FAM13A: variants seen among roughly 807,000 people sequenced by gnomAD.
FAM13A encodes family with sequence similarity 13 member A, also known as protein FAM13A.
Under a neutral mutation model 129.6 loss-of-function variants are expected in FAM13A, and 76 were observed. The observed-to-expected ratio is 0.59, with a 90% CI of 0.49 to 0.71. FAM13A has a LOEUF of 0.71. Ranked by LOEUF, FAM13A falls within the 30% of genes least tolerant of loss-of-function variation. The probability of loss-of-function intolerance (pLI) is 0.00; values close to 1 mark genes in which losing one functional copy is unlikely to be tolerated. For missense variants in FAM13A, 1,108 were observed against 1,249.3 expected (o/e 0.89, Z 1.70); for synonymous variants, 443 against 449.9 (o/e 0.98, Z 0.20).
intron 4 of FAM13A, among the ~76,000 whole-genome samples, chr4:88,939,598 C>T (rs1020477262): frequency 2.0e-5 from 3 of 152,166 alleles, no homozygotes; most frequent in African/African-American, 7.2e-5. Flanking sequence ...GATACGCACC[C>T]TAAGGTCTCC....
intron 19 of FAM13A, among the ~76,000 whole-genome samples, chr4:88,744,547 A>G (rs910178173): frequency 4.6e-5 from 7 of 152,186 alleles, no homozygotes; most frequent in African/African-American, 1.7e-4. Context: ...TTAAATCAGT[A>G]TCTGTAGACT....
chr4:88,974,870 T>C (rs987059431), intron 4 of FAM13A, among the ~76,000 whole-genome samples: 1 of 152,102 alleles, frequency 6.6e-6, no homozygotes, highest in Non-Finnish European at 1.5e-5. Context: ...GGCATAGACA[T>C]TCATAGTCAG....
rs554779482 is a variant in FAM13A, at chr4:89,014,569, T to C, written c.427+5891A>G. 1.1e-4 allele frequency among the ~76,000 whole-genome samples: 17 copies of C among 152,290 alleles called. No individual in the cohort carries two copies. In the East Asian group the frequency reaches 3.1e-3, roughly 28 times the overall value. On this transcript the variant is annotated intron_variant, in intron 3 of 23. Transcript: ENST00000264344. Reference sequence around the variant, plus strand: ...TGAAGCCATGGCAGAAGAATATAAATTGTGAAGATTTCATGGACATTTATT... The same window carrying C: ...TGAAGCCATGGCAGAAGAATATAAACTGTGAAGATTTCATGGACATTTATT...
intron 3 of FAM13A, among the ~76,000 whole-genome samples, chr4:89,002,176 C>CAAAAAAA (rs11370599): frequency 6.9e-5 from 8 of 115,654 alleles, no homozygotes; most frequent in Admixed American, 1.9e-4. Flanking sequence ...CACCCAACGG[C>CAAAAAAA]AAAAAAAAAA....
At chr4:88,838,702 G>C (rs558121302) in intron 7 of FAM13A, among the ~76,000 whole-genome samples, 20 of 150,600 alleles carry the variant, frequency 1.3e-4, no homozygotes, top group African/African-American at 4.9e-4. Flanking sequence ...ACTCCAGCCT[G>C]GGCGACAGAG....
At chr4:88,938,442 TGAATAAGAA>T (rs1754187131) in intron 4 of FAM13A, among the ~76,000 whole-genome samples, 1 of 152,162 alleles carries the variant, frequency 6.6e-6, no homozygotes, top group South Asian at 2.1e-4. Context: ...TAGCTTGGGC[TGAATAAGAA>T]AAATATAGGC....
At chr4:88,864,472 G>A (rs1431706638) in intron 6 of FAM13A, among the ~76,000 whole-genome samples, 3 of 152,190 alleles carry the variant, frequency 2.0e-5, no homozygotes, top group Non-Finnish European at 4.4e-5. Context: ...GCAGTGGCAC[G>A]ATATCAGCTT....
chr4:88,745,714 C>A (rs1280387614), intron 19 of FAM13A, among the ~76,000 whole-genome samples: 2 of 152,156 alleles, frequency 1.3e-5, no homozygotes, highest in African/African-American at 4.8e-5. Context: ...TATTTGAGCT[C>A]TAGAGCATTT....
chr4:88,815,414 A>T (rs17014616), intron 7 of FAM13A, among the ~76,000 whole-genome samples: 13,445 of 152,166 alleles, frequency 0.088, 748 homozygotes, highest in African/African-American at 0.15. Context: ...AATTTGCACA[A>T]GGGTTATAAT....
chr4:88,760,748 C>A (rs568630496), intron 13 of FAM13A, among the ~76,000 whole-genome samples: 1 of 151,922 alleles, frequency 6.6e-6, no homozygotes, highest in African/African-American at 2.4e-5. Context: ...TAAGCTAAAG[C>A]CTAAGTGGAC....
intron 6 of FAM13A, among the ~76,000 whole-genome samples, chr4:88,893,522 T>C (rs1347517038): frequency 1.6e-5 from 2 of 128,960 alleles, no homozygotes; most frequent in Non-Finnish European, 3.3e-5. Context: ...ACTCAGGAGG[T>C]TGAGACAGGA....
Position 88,749,894 on chromosome 4 carries a change from A to C in FAM13A, c.1956T>G (p.Ser652=). The change falls in exon 16 of 24, where the codon TCT becomes TCG. Residue 652 remains serine, a synonymous_variant. Transcript: ENST00000264344. The part of the protein sequence containing the change: ...SHSFMRRRSS[S]LGSYDDEQED... ...CTTGCTCATCATCATAGGACCCCAG[A>C]GAGGAGCTTCGCCGCCTGTGAAGAG... is the stretch of plus-strand genomic sequence containing the variant. The C allele has an allele frequency of 6.2e-7, 1 of 1,613,876 alleles. No homozygotes were observed. The highest frequency in any genetic ancestry group is 2.2e-5 in the East Asian group (1 of 44,890).
At chr4:88,789,508 AAGG>A (rs1724671819) in intron 9 of FAM13A, among the ~76,000 whole-genome samples, 1 of 152,132 alleles carries the variant, frequency 6.6e-6, no homozygotes, top group Non-Finnish European at 1.5e-5. Context: ...CCCAGCAAGT[AAGG>A]AGAATAGGTA....
Position 88,967,652 on chromosome 4 carries a change from T to G in FAM13A, c.605+23321A>C, listed in dbSNP as rs140192864. ...AAATGAGAGAGAATTCCATGTGCCT[T>G]ACAACACAGAAAAGATGCCCGGCAA... On this transcript the variant is annotated intron_variant, in intron 4 of 23. Transcript: ENST00000264344. Among the ~76,000 whole-genome samples, 970 of 152,316 alleles carry G rather than the reference T, an allele frequency of 6.4e-3. 9 individuals carry two copies. Among genetic ancestry groups the G allele is most frequent in the Admixed American group, 0.024 (370 of 15,288 alleles).
intron 7 of FAM13A, among the ~76,000 whole-genome samples, chr4:88,816,628 T>C (rs1209073965): frequency 1.3e-5 from 2 of 152,240 alleles, no homozygotes; most frequent in African/African-American, 2.4e-5. Flanking sequence ...AGCTAGTTTT[T>C]ATCTTTTGAA....
intron 7 of FAM13A, among the ~76,000 whole-genome samples, chr4:88,847,281 G>T (rs2149966658): frequency 6.6e-6 from 1 of 152,240 alleles, no homozygotes; most frequent in East Asian, 1.9e-4. Flanking sequence ...ACTTTGAGAG[G>T]CCAAGGTGGT....
intron 1 of FAM13A, among the ~76,000 whole-genome samples, chr4:89,035,656 G>A (rs957980029): frequency 6.6e-6 from 1 of 152,182 alleles, no homozygotes; most frequent in Admixed American, 6.5e-5. Flanking sequence ...GAGGTGATTG[G>A]ATCATGGGGG....
At chr4:88,842,712 T>C (rs1055915937) in intron 7 of FAM13A, among the ~76,000 whole-genome samples, 16 of 152,384 alleles carry the variant, frequency 1.0e-4, no homozygotes, top group Middle Eastern at 3.4e-3. Context: ...ACTCTGTTGA[T>C]CTAAATGCCA....
chr4:88,893,661 T>G (rs894097892), intron 6 of FAM13A, among the ~76,000 whole-genome samples: 1 of 133,072 alleles, frequency 7.5e-6, no homozygotes, highest in African/African-American at 2.9e-5. Flanking sequence ...AATAAATAAA[T>G]AAATAAATAA....
Sources: gnomAD v4.1 joint callset for allele counts (sites outside exome capture counted in the v4.1 genomes callset) on GRCh38, gnomAD v4.1.1 for gene constraint, MANE v1.5 for transcripts, NCBI Gene and HGNC (gene_info 2026-07-23, HGNC 2026-07-21) for gene names.